The following TRMT44 variants were observed in gnomAD, a reference collection of about 807,000 sequenced individuals.
The protein encoded by TRMT44 is tRNA methyltransferase 44 homolog.
A neutral mutation model predicts 77.3 loss-of-function variants in TRMT44; 78 were observed. That is an observed-to-expected ratio of 1.01 (90% CI 0.84 to 1.22). TRMT44 has a LOEUF of 1.22. Among genes scored for constraint, TRMT44 ranks in the 50% most tolerant of loss-of-function variants. The pLI is 0.00. For synonymous variants in TRMT44, 391 were observed against 383.3 expected (o/e 1.02, Z -0.23); for missense variants, 1,090 against 964.4 (o/e 1.13, Z -1.73).
intron 2 of TRMT44, among the ~76,000 whole-genome samples, chr4:8,490,212 A>G (rs1483883289): frequency 2.0e-5 from 3 of 152,136 alleles, no homozygotes; most frequent in Non-Finnish European, 4.4e-5. Flanking sequence ...CTATCCTACA[A>G]GCTTTGGATG....
At chr4:8,480,700 A>T (rs1296525914), downstream of TRMT44, among the ~76,000 whole-genome samples, 1 of 152,226 alleles carries the variant, frequency 6.6e-6, no homozygotes, top group Non-Finnish European at 1.5e-5. Context: ...CAACTGTGGG[A>T]CCATCACCTC....
rs1292025996 is a variant in TRMT44, at chr4:8,441,248, G to A, written c.426G>A (p.Leu142=). ...AGGGCGACTTCCCCGCCGCAGATCT[G>A]GATTCGCTTTGGGAGGATTTCTCCC... The part of the protein sequence containing the change: ...GREGDFPAAD[L]DSLWEDFSQS... Residue 142 remains leucine (L), a synonymous_variant, in exon 1 of 11, where the codon CTG becomes CTA. Transcript: ENST00000389737. 2.2e-5 allele frequency: 34 copies of A among 1,535,512 alleles called. No individual in the cohort carries two copies. Among genetic ancestry groups the A allele is most frequent in the Non-Finnish European group, 2.9e-5 (33 of 1,146,642 alleles).
intron 7 of TRMT44, 105 bp downstream of exon 7, chr4:8,464,196 T>C: frequency 1.3e-6 from 1 of 781,720 alleles, no homozygotes; most frequent in Non-Finnish European, 2.1e-6. Flanking sequence ...TGTCAAGCAC[T>C]TGAAATGTGG....
At chr4:8,471,547 GT>G (rs1727001306) in intron 10 of TRMT44, among the ~76,000 whole-genome samples, 1 of 152,268 alleles carries the variant, frequency 6.6e-6, no homozygotes, top group Admixed American at 6.5e-5. Context: ...GGGGGTCATT[GT>G]TTGGCGTCAT....
Position 8,441,319 on chromosome 4 carries a change from G to T in TRMT44, c.497G>T (p.Ser166Ile). 1.3e-6 allele frequency: 2 copies of T among 1,535,504 alleles called. No homozygotes were observed. The highest frequency in any genetic ancestry group is 1.2e-5 in the South Asian group (1 of 83,764). ...TCGGAGTTGCTGGCCTTCCTCACCA[G>T]CTCCGGGGCGGGATCGCAGCCAGAG... ...GNSELLAFLT[S>I]SGAGSQPEAQ... is the part of the protein sequence containing the mutation. The change falls in exon 1 of 11, where the codon AGC becomes ATC. Residue 166 changes from serine (S) to isoleucine (I), a missense_variant. By Grantham distance (142) the Ser-to-Ile change is moderately radical (BLOSUM62 -2). Coordinates refer to ENST00000389737, the MANE Select transcript of TRMT44 (RefSeq NM_152544.3).
At position 8,454,780 on chromosome 4, in the gene TRMT44, C is replaced by T; in HGVS notation, c.1170C>T (p.Ile390=). Residue 390 remains isoleucine, a synonymous_variant, in exon 6 of 11, where the codon ATC becomes ATT. Transcript: ENST00000389737. ...GGATTGATGTCCGAAGAAGAAAAAT[C>T]TGGGACATGTATGGACCACAAACTC... ...GRGIDVRRRK[I]WDMYGPQTQL... The T allele has an allele frequency of 1.9e-6, 3 of 1,614,224 alleles. No individual in the cohort carries two copies. The highest frequency in any genetic ancestry group is 2.5e-6 in the Non-Finnish European group (3 of 1,180,042).
At chr4:8,487,934 G>A (rs1185626100) in intron 2 of TRMT44, among the ~76,000 whole-genome samples, 1 of 152,180 alleles carries the variant, frequency 6.6e-6, no homozygotes, top group African/African-American at 2.4e-5. Flanking sequence ...CCTAGTCTGT[G>A]ACCGGCGCCG....
At chr4:8,503,885 G>C in the TRMT44 span, among the ~76,000 whole-genome samples, 1 of 152,230 alleles carries the variant, frequency 6.6e-6, no homozygotes, top group African/African-American at 2.4e-5. Context: ...CTCCTGGCTA[G>C]CTTCGTCTCC....
At chr4:8,505,440 C>G in the TRMT44 span, among the ~76,000 whole-genome samples, 1 of 152,166 alleles carries the variant, frequency 6.6e-6, no homozygotes, top group South Asian at 2.1e-4. Flanking sequence ...CTCTGCAGCC[C>G]GGGCATCCTA....
chr4:8,506,679 C>T, the TRMT44 span: 1 of 152,292 alleles, frequency 6.6e-6, no homozygotes, highest in African/African-American at 2.4e-5. Flanking sequence ...CTGTGGAATT[C>T]TCACCTCCTG....
chr4:8,452,902 G>T lies in TRMT44; in HGVS notation c.1044G>T (p.Arg348Ser). 3.3e-6 allele frequency: 5 copies of T among 1,532,006 alleles called. No homozygotes were observed. The highest frequency in any genetic ancestry group is 4.4e-6 in the Non-Finnish European group (5 of 1,144,720). The allele number at this position is 1,532,006 out of a possible 1,614,324, so 94.9% of individuals were successfully genotyped here. A position where few individuals can be genotyped will look rare whatever the true frequency, so the allele number is the denominator to read the frequency against. Reference sequence around the variant, plus strand: ...CTTAGATTCTATGGGAAGAAGAAAGGGCTGAGAGGAGACTAACTGCCAGGC... The same window carrying T: ...CTTAGATTCTATGGGAAGAAGAAAGTGCTGAGAGGAGACTAACTGCCAGGC... ...AYLLILWEEE[R>S]AERRLTARQS... is the part of the protein sequence containing the mutation. The change falls in exon 5 of 11, where the codon AGG (arginine) becomes AGT (serine). Residue 348 changes from arginine to serine, a missense_variant. Arg to Ser is a moderately radical substitution (Grantham distance 110). Transcript: ENST00000389737. This position sits in a 1 kb window ranked among gnomAD's most constrained non-coding sequence, Gnocchi z 5.7.
At chr4:8,489,545 C>T (rs1031171552) in intron 2 of TRMT44, among the ~76,000 whole-genome samples, 6 of 152,256 alleles carry the variant, frequency 3.9e-5, no homozygotes, top group East Asian at 1.9e-4. Flanking sequence ...GGCACAATCT[C>T]GGCTCACTGC....
At chr4:8,503,170 C>T in the TRMT44 span, among the ~76,000 whole-genome samples, 5 of 152,324 alleles carry the variant, frequency 3.3e-5, no homozygotes, top group South Asian at 1.0e-3. Context: ...AATTCTCAGC[C>T]AAAGAAACCC....
chr4:8,453,373 C>A (rs564716250), intron 5 of TRMT44: 9 of 154,732 alleles, frequency 5.8e-5, no homozygotes, highest in Non-Finnish European at 1.0e-4. Flanking sequence ...ACGGGGCTCA[C>A]GCCTGCAATC....
rs575717201 is a variant in TRMT44, at chr4:8,454,436, A to C, written c.1132-306A>C. ...ATTCCAAGCTCTTAGAGGCGTAGGC[A>C]AATATGTGCAGGCCATCAGTACAGT... On this transcript the variant is annotated intron_variant, in intron 5 of 10. Transcript: ENST00000389737. The C allele has an allele frequency of 8.7e-6, 3 of 345,750 alleles. No homozygotes were observed. The East Asian group carries it at 1.4e-4, about 16-fold the overall frequency. 21.4% of individuals were successfully genotyped at this position (345,750 alleles called of 1,614,324 possible). A position where few individuals can be genotyped will look rare whatever the true frequency, so the allele number is the denominator to read the frequency against.
the TRMT44 span, among the ~76,000 whole-genome samples, chr4:8,514,366 T>A: frequency 6.7e-6 from 1 of 150,342 alleles, no homozygotes; most frequent in East Asian, 2.0e-4. Flanking sequence ...AGCCCAGTGG[T>A]GCGATCTTGG....
intron 2 of TRMT44, among the ~76,000 whole-genome samples, chr4:8,491,616 G>A (rs977691699): frequency 1.3e-5 from 2 of 152,194 alleles, no homozygotes. Context: ...CGGCACTGCT[G>A]GGGGACCTAG....
rs181704607 is a variant in TRMT44, at chr4:8,484,967, A to G, written n.3891+5434A>G. ...TTTGAGCTTTGGAGGGGGATACCCG[A>G]TATCCTTTGGAGAATAAATGCTGAA... is the stretch of plus-strand genomic sequence containing the variant. On this transcript the variant is annotated intron_variant and non_coding_transcript_variant, in intron 2 of 2. Transcript: ENST00000511366. Among the ~76,000 whole-genome samples, 116 of 152,348 alleles carry G rather than the reference A, an allele frequency of 7.6e-4. 1 individual carries two copies. In the East Asian group the frequency reaches 0.018, roughly 23 times the overall value.
intron 2 of TRMT44, among the ~76,000 whole-genome samples, chr4:8,483,214 A>G (rs541571887): frequency 2.0e-5 from 3 of 152,350 alleles, no homozygotes; most frequent in South Asian, 2.1e-4. Context: ...GAGATTCAGC[A>G]TAGTCCTGCC....
Sources: allele counts gnomAD v4.1 joint callset (sites outside exome capture counted in the v4.1 genomes callset), GRCh38; gene constraint gnomAD v4.1.1; non-coding constraint Gnocchi (gnomAD v3.1); transcripts MANE v1.5; gene names NCBI Gene and HGNC (gene_info 2026-07-23, HGNC 2026-07-21).